The following CUL4B variants were observed in gnomAD, a reference collection of about 807,000 sequenced individuals.
CUL4B encodes the protein cullin 4B.
A neutral mutation model predicts 69.2 loss-of-function variants in CUL4B; 1 was observed. The ratio of observed to expected loss-of-function variants is 0.01; its 90% CI spans 0.01 to 0.07. The LOEUF (loss-of-function observed/expected upper bound fraction) is 0.07, where lower values mean the gene tolerates loss of function less well. Among genes scored for constraint, CUL4B ranks in the 10% least tolerant of loss-of-function variants. The pLI is 1.00. For missense variants in CUL4B, 328 were observed against 638.8 expected, an observed-to-expected ratio of 0.51 and a Z score of 5.24; for synonymous variants, 237 against 223.2, an observed-to-expected ratio of 1.06 and a Z score of -0.55.
chrX:120,530,299 C>T, intron 18 of CUL4B, 45 bp from the exon 19 acceptor site: 3 of 1,142,941 alleles, frequency 2.6e-6, no homozygotes, highest in Non-Finnish European at 1.2e-6. Context: ...AGAAGCAAAA[C>T]CTGACTATTT....
chrX:120,544,323 G>C, intron 6 of CUL4B, 120 bp from the exon 7 acceptor site: 1 of 795,121 alleles, frequency 1.3e-6, no homozygotes, highest in African/African-American at 2.0e-5. Flanking sequence ...GGATCCTTTT[G>C]TAGTTGAGAA....
intron 2 of CUL4B, among the ~76,000 whole-genome samples, chrX:120,573,498 A>G (rs993765939): frequency 7.1e-5 from 8 of 111,993 alleles, no homozygotes; most frequent in Non-Finnish European, 1.3e-4. Flanking sequence ...GTCAAGGGGA[A>G]GGTATATTTA....
intron 14 of CUL4B, 138 bp from the exon 15 acceptor site, chrX:120,537,172 A>G (rs1465324381): frequency 4.0e-6 from 2 of 499,796 alleles, no homozygotes; most frequent in African/African-American, 4.7e-5. Flanking sequence ...AACTATTAAG[A>G]AGACTTTAAA....
chrX:120,540,249 G>T, intron 11 of CUL4B, 121 bp downstream of exon 11: 1 of 644,016 alleles, frequency 1.6e-6, no homozygotes, highest in Non-Finnish European at 2.5e-6. Context: ...TGATATACCA[G>T]CTAAGCAACC....
At chrX:120,534,034 C>A (rs1460387122) in intron 17 of CUL4B, among the ~76,000 whole-genome samples, 1 of 109,822 alleles carries the variant, frequency 9.1e-6, no homozygotes, top group Non-Finnish European at 1.9e-5. Context: ...CCACTGCACT[C>A]CAGCCTGGGT....
At chrX:120,557,687 G>A (rs1015748824) in intron 2 of CUL4B, among the ~76,000 whole-genome samples, 3 of 111,529 alleles carry the variant, frequency 2.7e-5, no homozygotes, top group African/African-American at 3.3e-5. Flanking sequence ...CAAGGTACAC[G>A]TAACTGTAAT....
chrX:120,545,563 A>C, intron 4 of CUL4B, 46 bp from the exon 5 acceptor site: 1 of 898,939 alleles, frequency 1.1e-6, no homozygotes, highest in Non-Finnish European at 1.6e-6. Context: ...GTATGTTGTG[A>C]AGCTGAAATA....
At chrX:120,548,693 A>G (rs761981721) in intron 2 of CUL4B, among the ~76,000 whole-genome samples, 26 of 109,647 alleles carry the variant, frequency 2.4e-4, no homozygotes, top group Admixed American at 3.9e-4. Flanking sequence ...AATTAGCCGG[A>G]CATGGTGGTG....
intron 1 of CUL4B, chrX:120,574,772 CT>C (rs1925820895): frequency 5.8e-6 from 3 of 519,690 alleles, no homozygotes; most frequent in Admixed American, 2.9e-5. Context: ...AAATTTTGGT[CT>C]GCTAATCACA....
exon 3 of CUL4B, chrX:120,571,349 A>T (rs1018779250): frequency 8.1e-5 from 9 of 111,648 alleles, no homozygotes; most frequent in Non-Finnish European, 1.7e-4. Context: ...GACTTATTGA[A>T]GGCAGACCAT....
chrX:120,573,661 T>C (rs1470832313), intron 2 of CUL4B, among the ~76,000 whole-genome samples: 1 of 112,030 alleles, frequency 8.9e-6, no homozygotes, highest in East Asian at 2.8e-4. Flanking sequence ...ATGAATTCAT[T>C]CTCACTGTAA....
downstream of CUL4B, among the ~76,000 whole-genome samples, chrX:120,566,489 C>T (rs187263024): frequency 2.2e-3 from 223 of 102,831 alleles, 1 homozygote; most frequent in African/African-American, 7.5e-3. Flanking sequence ...CGTCCACCTC[C>T]CGGGTTCAAG....
upstream of CUL4B, among the ~76,000 whole-genome samples, chrX:120,564,280 G>C (rs1343740462): frequency 9.0e-6 from 1 of 111,643 alleles, no homozygotes; most frequent in African/African-American, 3.3e-5. Context: ...CAGCCTGGGT[G>C]ACAGAGTGAG....
intron 2 of CUL4B, among the ~76,000 whole-genome samples, chrX:120,549,383 C>T (rs960306989): frequency 9.0e-6 from 1 of 111,649 alleles, no homozygotes; most frequent in African/African-American, 3.3e-5. Flanking sequence ...GAAACCCTGT[C>T]TCTACTAAAA....
chrX:120,541,816 T>C, intron 9 of CUL4B, 96 bp from the exon 10 acceptor site: 8 of 587,167 alleles, frequency 1.4e-5, no homozygotes, highest in Non-Finnish European at 2.4e-5. Flanking sequence ...TAATCATTAT[T>C]GTGATACTGG....
In CUL4B at chrX:120,543,527, CACACA is replaced by C. The variant is rs1569391351; in HGVS notation, c.1256+195_1256+199del. ...ACACACACACACACACACACACACA[CACACA>C]CCCCTAATAATCGAATCCTTGGATG... On this transcript the variant is annotated intron_variant, in intron 8 of 19. Coordinates refer to ENST00000371322, the MANE Select transcript of CUL4B (RefSeq NM_001079872.2). Among the ~76,000 whole-genome samples, 10 of 107,512 alleles carry C rather than the reference CACACA, an allele frequency of 9.3e-5. No individual in the cohort carries two copies. The South Asian group carries it at 1.2e-3, about 13-fold the overall frequency. The allele number at this position is 107,512 out of a possible 115,157, so 93.4% of individuals were successfully genotyped here. A position where few individuals can be genotyped will look rare whatever the true frequency, so the allele number is the denominator to read the frequency against.
intron 17 of CUL4B, among the ~76,000 whole-genome samples, chrX:120,533,843 G>A (rs1415931825): frequency 9.0e-6 from 1 of 111,233 alleles, no homozygotes; most frequent in African/African-American, 3.3e-5. Context: ...CGAGGCAGGC[G>A]GATCACGAGG....
upstream of CUL4B, among the ~76,000 whole-genome samples, chrX:120,566,019 C>T (rs1467177306): frequency 9.2e-6 from 1 of 108,770 alleles, no homozygotes; most frequent in Non-Finnish European, 1.9e-5. Flanking sequence ...TGAGCCACCG[C>T]GCCCGGCCCA....
At chrX:120,566,387 ATATG>A (rs1436287601), upstream of CUL4B, among the ~76,000 whole-genome samples, 33 of 68,732 alleles carry the variant, frequency 4.8e-4, no homozygotes, top group Non-Finnish European at 7.7e-4. Context: ...ATATATATAT[ATATG>A]TATATATATT....
Sources: gnomAD v4.1 joint callset for allele counts (sites outside exome capture counted in the v4.1 genomes callset) on GRCh38, gnomAD v4.1.1 for gene constraint, MANE v1.5 for transcripts, NCBI Gene and HGNC (gene_info 2026-07-23, HGNC 2026-07-21) for gene names.